NCOR1: variants seen among roughly 807,000 people sequenced by gnomAD.
The protein encoded by NCOR1 is protein phosphatase 1, regulatory subunit 109.
Under a neutral mutation model 288.1 loss-of-function variants are expected in NCOR1, and 63 were observed. The ratio of observed to expected loss-of-function variants is 0.22; its 90% CI spans 0.18 to 0.27. The LOEUF is 0.27. Ranked by LOEUF, NCOR1 falls within the 10% of genes least tolerant of loss-of-function variation. NCOR1 has a pLI of 1.00. For synonymous variants in NCOR1, 1,007 were observed against 1,065.9 expected (o/e 0.94, Z 1.08); for missense variants, 2,397 against 3,019.2 (o/e 0.79, Z 4.83).
chr17:16,094,056 C>G (rs540649520), intron 21 of NCOR1, among the ~76,000 whole-genome samples: 1 of 151,902 alleles, frequency 6.6e-6, no homozygotes, highest in African/African-American at 2.4e-5. Context: ...TGGCACCATG[C>G]GGAGCTAATT....
At chr17:16,151,688 C>T in intron 8 of NCOR1, 9 of 1,262,748 alleles carry the variant, frequency 7.1e-6, no homozygotes, top group Non-Finnish European at 9.8e-6. Flanking sequence ...TAAGTATCCA[C>T]CTTTTTTACT....
At position 16,101,494 on chromosome 17, in the gene NCOR1, C is replaced by G. The variant is rs76080188; in HGVS notation, c.2446G>C (p.Ala816Pro). 6.2e-7 allele frequency: 1 copy of G among 1,614,032 alleles called. No homozygotes were observed. The highest frequency in any genetic ancestry group is 8.5e-7 in the Non-Finnish European group (1 of 1,180,014). ...ACGTCCACAGAGTCAGCTTTGGTAG[C>G]GGGTGGGGGATCACAAACAGAACCC... ...EEGSVCDPPP[A>P]TKADSVDVEV... Residue 816 changes from alanine to proline, a missense_variant, in exon 20 of 46, where the codon GCT (alanine) becomes CCT (proline). This residue lies in a region of NCOR1 where 1,872 missense variants were observed against 2,187.8 expected (regional missense o/e 0.86). Transcript: ENST00000268712.
Position 16,039,811 on chromosome 17 carries a change from CAG to C in NCOR1, c.6734-159_6734-158del, listed in dbSNP as rs2057207744. ...ACACAGAGACCTTTTTTTTTGGAGA[CAG>C]AGTCTCTCTCTGTCGCACCCAGGCT... On this transcript the variant is annotated intron_variant, in intron 43 of 45. Coordinates refer to ENST00000268712, the MANE Select transcript of NCOR1 (RefSeq NM_006311.4). The C allele has an allele frequency of 2.6e-5, 17 of 657,440 alleles. No homozygotes were observed. The South Asian group carries it at 3.2e-4, about 13-fold the overall frequency. 40.7% of individuals were successfully genotyped at this position (657,440 alleles called of 1,614,324 possible).
chr17:16,170,107 C>CTGTGTGTGTG (rs61345864), intron 4 of NCOR1, among the ~76,000 whole-genome samples: 38,391 of 147,504 alleles, frequency 0.26, 5,344 homozygotes, highest in Non-Finnish European at 0.32. Context: ...TATTTGCTTT[C>CTGTGTGTGTG]TGTGTGTGTG....
chr17:16,104,700 G>C (rs886415729), intron 19 of NCOR1, among the ~76,000 whole-genome samples: 4 of 152,166 alleles, frequency 2.6e-5, no homozygotes, highest in Non-Finnish European at 4.4e-5. Context: ...GAGCCCAAGA[G>C]GTCAAGGCTT....
At chr17:16,204,923 T>C (rs993678998) in intron 1 of NCOR1, among the ~76,000 whole-genome samples, 5 of 152,112 alleles carry the variant, frequency 3.3e-5, no homozygotes, top group African/African-American at 4.8e-5. Context: ...TGCACACACA[T>C]GAATAAAGTG....
chr17:16,206,309 C>A (rs1481283254), intron 1 of NCOR1, among the ~76,000 whole-genome samples: 1 of 148,388 alleles, frequency 6.7e-6, no homozygotes, highest in Non-Finnish European at 1.5e-5. Context: ...CACACACACA[C>A]AATTGTTTAC....
chr17:16,113,207 G>A (rs571308525), intron 18 of NCOR1, among the ~76,000 whole-genome samples: 7 of 151,092 alleles, frequency 4.6e-5, no homozygotes, highest in South Asian at 2.1e-4. Context: ...AAGCCACCGC[G>A]CCTGGCCAAG....
At position 16,194,287 on chromosome 17, in the gene NCOR1, G is replaced by A. The variant is rs189636761; in HGVS notation, c.108+175C>T. On this transcript the variant is annotated intron_variant, in intron 2 of 45. Transcript: ENST00000268712. ...CTCCTGAAATCAGCATAAAGCCACA[G>A]TAAGACAGAAATAATTAATTCCCAA... is the stretch of plus-strand genomic sequence containing the variant. Among the ~76,000 whole-genome samples the A allele has an allele frequency of 3.2e-5, 3 of 93,596 alleles. No homozygotes were observed. In the East Asian group the frequency reaches 6.3e-4, roughly 20 times the overall value. 61.4% of individuals were successfully genotyped at this position (93,596 alleles called of 152,430 possible). A position where few individuals can be genotyped will look rare whatever the true frequency, so the allele number is the denominator to read the frequency against.
chr17:16,145,810 T>C (rs561957410), intron 10 of NCOR1, among the ~76,000 whole-genome samples: 3 of 152,258 alleles, frequency 2.0e-5, no homozygotes, highest in Non-Finnish European at 4.4e-5. Flanking sequence ...CAACAGCTCA[T>C]TGAGAGCCGG....
intron 18 of NCOR1, among the ~76,000 whole-genome samples, chr17:16,109,779 G>A (rs548234071): frequency 6.6e-6 from 1 of 152,122 alleles, no homozygotes; most frequent in African/African-American, 2.4e-5. Context: ...CTGTCACCCA[G>A]GCTGGAGTGC....
At chr17:16,176,667 A>G (rs961834688) in intron 3 of NCOR1, among the ~76,000 whole-genome samples, 4 of 152,060 alleles carry the variant, frequency 2.6e-5, no homozygotes, top group African/African-American at 9.7e-5. Context: ...ATATTCTTGA[A>G]TATCAATTTC....
intron 37 of NCOR1, 65 bp downstream of exon 37, chr17:16,061,336 A>C: frequency 3.9e-6 from 6 of 1,536,946 alleles, no homozygotes; most frequent in Non-Finnish European, 5.3e-6. Flanking sequence ...GTTCTACTTG[A>C]CCTAAAGAAT....
At position 16,092,050 on chromosome 17, in the gene NCOR1, G is replaced by A. The variant is rs762491421; in HGVS notation, c.2829C>T (p.Cys943=). The change falls in exon 22 of 46, where the codon TGC becomes TGT. Residue 943 remains cysteine, a synonymous_variant. Coordinates refer to ENST00000268712, the MANE Select transcript of NCOR1 (RefSeq NM_006311.4). ...RAAVIPPMVS[C]TPCNIPIGTP... is the part of the protein sequence containing the mutation. The stretch of plus-strand genomic sequence containing the variant: ...TTCCAATTGGTATGTTACATGGGGT[G>A]CAGGATACCTATAGGAAGAAAATAA... 6.2e-7 allele frequency: 1 copy of A among 1,613,830 alleles called. No individual in the cohort carries two copies.
chr17:16,086,888 T>G (rs2064318429), intron 22 of NCOR1, among the ~76,000 whole-genome samples: 1 of 152,226 alleles, frequency 6.6e-6, no homozygotes, highest in Non-Finnish European at 1.5e-5. Flanking sequence ...CACAGAACAC[T>G]TGAATTTTGG....
At chr17:16,059,034 A>G (rs897536181) in intron 37 of NCOR1, among the ~76,000 whole-genome samples, 1 of 135,450 alleles carries the variant, frequency 7.4e-6, no homozygotes, top group African/African-American at 2.8e-5. Context: ...GGGCAACAAG[A>G]GCGAAACTCC....
chr17:16,176,190 G>C (rs1361923549), intron 3 of NCOR1, among the ~76,000 whole-genome samples: 1 of 152,086 alleles, frequency 6.6e-6, no homozygotes, highest in Non-Finnish European at 1.5e-5. Context: ...TTGCACTCCA[G>C]CCTGAACAAC....
At chr17:16,073,379 C>A in intron 28 of NCOR1, 50 bp downstream of exon 28, 1 of 1,468,244 alleles carries the variant, frequency 6.8e-7, no homozygotes, top group South Asian at 1.5e-5. Context: ...TGCAAAATTA[C>A]TATATAAAAT....
In NCOR1 at chr17:16,049,155, A is replaced by G. The variant is rs2059012070; in HGVS notation, c.6393-167T>C. On this transcript the variant is annotated intron_variant, in intron 40 of 45. Coordinates refer to ENST00000268712, the MANE Select transcript of NCOR1 (RefSeq NM_006311.4). ...TATTCACTATATACATAGTTAAAAC[A>G]AACAAACAACAACAAAAAAAACCAC... is the stretch of plus-strand genomic sequence containing the variant. 9.5e-6 allele frequency: 5 copies of G among 528,998 alleles called. No individual in the cohort carries two copies. In the South Asian group the frequency reaches 2.4e-4, roughly 25 times the overall value. The allele number at this position is 528,998 out of a possible 1,614,324, so 32.8% of individuals were successfully genotyped here.
Sources: allele counts gnomAD v4.1 joint callset (sites outside exome capture counted in the v4.1 genomes callset), GRCh38; gene constraint gnomAD v4.1.1; regional missense constraint gnomAD v4.1.1; transcripts MANE v1.5; gene names NCBI Gene and HGNC (gene_info 2026-07-23, HGNC 2026-07-21).